Variants in ANAPC5 observed in about 807,000 individuals in gnomAD.
ANAPC5 encodes the protein anaphase promoting complex subunit 5.
In ANAPC5, 60 loss-of-function variants were observed where a neutral mutation model predicts 91.3. That is an observed-to-expected ratio of 0.66 (90% CI 0.53 to 0.81). The LOEUF (loss-of-function observed/expected upper bound fraction) is 0.81, where lower values mean the gene tolerates loss of function less well. Among genes scored for constraint, ANAPC5 ranks in the 40% least tolerant of loss-of-function variants. The pLI is 0.00. For synonymous variants in ANAPC5, 340 were observed against 364.1 expected (o/e 0.93, Z 0.75); for missense variants, 690 against 931.5 (o/e 0.74, Z 3.37).
chr12:121,328,612 T>C, intron 9 of ANAPC5, 115 bp from the exon 10 acceptor site: 2 of 970,144 alleles, frequency 2.1e-6, no homozygotes, highest in African/African-American at 1.6e-5. Context: ...GACAGCACTA[T>C]TTAAAAGGAA....
At chr12:121,324,923 G>A (rs1463042360) in intron 11 of ANAPC5, among the ~76,000 whole-genome samples, 1 of 152,148 alleles carries the variant, frequency 6.6e-6, no homozygotes, top group Non-Finnish European at 1.5e-5. Flanking sequence ...TCCCAACACT[G>A]TGACACTGAA....
chr12:121,350,310 G>A (rs2668261), intron 1 of ANAPC5, among the ~76,000 whole-genome samples: 127,604 of 152,234 alleles, frequency 0.84, 55,215 homozygotes, highest in Non-Finnish European at 0.95. Context: ...GAGGCCCAGG[G>A]ACCCAGATCT....
intron 15 of ANAPC5, among the ~76,000 whole-genome samples, chr12:121,311,210 C>T (rs945552420): frequency 3.4e-5 from 5 of 149,200 alleles, no homozygotes; most frequent in Non-Finnish European, 6.0e-5. Context: ...CAGTGAGCTA[C>T]GATTGCAGCA....
intron 5 of ANAPC5, among the ~76,000 whole-genome samples, chr12:121,338,818 T>C (rs1232975376): frequency 2.0e-5 from 3 of 152,056 alleles, no homozygotes; most frequent in Non-Finnish European, 2.9e-5. Context: ...AATATGTGTA[T>C]ACATATTATA....
chr12:121,323,682 C>T (rs918785017), intron 11 of ANAPC5, among the ~76,000 whole-genome samples: 1 of 152,136 alleles, frequency 6.6e-6, no homozygotes, highest in Non-Finnish European at 1.5e-5. Flanking sequence ...TTGTCTCAAT[C>T]CTTTCATGAG....
chr12:121,331,214 A>C, intron 8 of ANAPC5, 133 bp downstream of exon 8: 1 of 652,832 alleles, frequency 1.5e-6, no homozygotes. Context: ...CTGAATTCCC[A>C]TGACCACCTA....
In ANAPC5 at chr12:121,315,127, G is replaced by A. The variant is rs575864138; in HGVS notation, c.1893+3150C>T. On this transcript the variant is annotated intron_variant, in intron 15 of 16. Coordinates refer to ENST00000261819, the MANE Select transcript of ANAPC5 (RefSeq NM_016237.5). ...TACAGGTAATAAGTTTGGCAAAGTTGCAGGATATAAGATCAATATAAACTA... is the reference window on the plus strand; with the variant it reads ...TACAGGTAATAAGTTTGGCAAAGTTACAGGATATAAGATCAATATAAACTA... Among the ~76,000 whole-genome samples, 22 of 151,826 alleles carry A rather than the reference G, an allele frequency of 1.4e-4. No homozygotes were observed. The South Asian group carries it at 4.4e-3, about 30-fold the overall frequency.
intron 11 of ANAPC5, 53 bp downstream of exon 11, chr12:121,327,043 A>C: frequency 6.5e-7 from 1 of 1,535,602 alleles, no homozygotes; most frequent in Non-Finnish European, 8.7e-7. Context: ...AGAGGAAAGA[A>C]ATGGTAGAGC....
chr12:121,323,935 T>C (rs1902715291), intron 11 of ANAPC5, among the ~76,000 whole-genome samples: 1 of 152,014 alleles, frequency 6.6e-6, no homozygotes, highest in Admixed American at 6.6e-5. Flanking sequence ...AGAGGAGTGA[T>C]ATAAGATGAG....
intron 11 of ANAPC5, among the ~76,000 whole-genome samples, chr12:121,323,332 CT>C (rs994182555): frequency 4.0e-5 from 6 of 148,344 alleles, no homozygotes; most frequent in Admixed American, 1.3e-4. Context: ...GGATGTTTAT[CT>C]TTTTTTTTTG....
intron 7 of ANAPC5, chr12:121,333,240 A>G (rs1903109811): frequency 6.6e-6 from 1 of 152,112 alleles, no homozygotes; most frequent in African/African-American, 2.4e-5. Flanking sequence ...TTTTTACCTG[A>G]ACCCAGGTGG....
At chr12:121,326,195 G>A (rs559868718) in intron 11 of ANAPC5, among the ~76,000 whole-genome samples, 61 of 152,238 alleles carry the variant, frequency 4.0e-4, no homozygotes, top group African/African-American at 1.4e-3. Flanking sequence ...TTTGCTATAG[G>A]GAAGTATGTC....
At position 121,318,312 on chromosome 12, in the gene ANAPC5, C is replaced by T; in HGVS notation, c.1858G>A (p.Ala620Thr). Residue 620 changes from alanine to threonine, a missense_variant, in exon 15 of 17, where the codon GCC becomes ACC. This residue lies in a region of ANAPC5 where 317 missense variants were observed against 438.7 expected (regional missense o/e 0.72). Coordinates refer to ENST00000261819, the MANE Select transcript of ANAPC5 (RefSeq NM_016237.5). ...LSKEYRLQYL[A>T]SETVLNLAFA... Reference sequence around the variant, plus strand: ...GCCAAGTTCAGCACTGTTTCAGAGGCCAAGTACTGTAACCGGTACTCCTTG... The same window carrying T: ...GCCAAGTTCAGCACTGTTTCAGAGGTCAAGTACTGTAACCGGTACTCCTTG... 6.3e-7 allele frequency: 1 copy of T among 1,581,706 alleles called. No homozygotes were observed. Among genetic ancestry groups the T allele is most frequent in the Non-Finnish European group, 8.6e-7 (1 of 1,167,232 alleles).
intron 8 of ANAPC5, 184 bp downstream of exon 8, chr12:121,331,163 G>C: frequency 1.9e-6 from 1 of 529,194 alleles, no homozygotes; most frequent in Non-Finnish European, 3.4e-6. Context: ...CAAAACAGAT[G>C]TCATGAATTA....
intron 11 of ANAPC5, 136 bp from the exon 12 acceptor site, chr12:121,320,595 A>G: frequency 8.1e-6 from 5 of 617,018 alleles, no homozygotes; most frequent in Non-Finnish European, 1.4e-5. Flanking sequence ...CAGAGACTCA[A>G]ATTTCTTTTC....
chr12:121,321,632 A>G (rs1298476537), intron 11 of ANAPC5, among the ~76,000 whole-genome samples: 1 of 147,690 alleles, frequency 6.8e-6, no homozygotes, highest in Non-Finnish European at 1.5e-5. Flanking sequence ...CCTGGGTTCT[A>G]GCAATTCTGA....
At chr12:121,337,104 G>A (rs1444380895) in intron 6 of ANAPC5, among the ~76,000 whole-genome samples, 187 bp downstream of exon 6, 1 of 152,178 alleles carries the variant, frequency 6.6e-6, no homozygotes, top group Non-Finnish European at 1.5e-5. Flanking sequence ...TGTAATCCCA[G>A]CTACCTGGGA....
At chr12:121,351,105 C>G in intron 1 of ANAPC5, 1 of 451,262 alleles carries the variant, frequency 2.2e-6, no homozygotes, top group Non-Finnish European at 4.5e-6. Flanking sequence ...GGCGCAGTGG[C>G]TCACTCCTGT....
chr12:121,342,204 A>C lies in ANAPC5; in HGVS notation c.591-135T>G. ...TCTCTCCTCAGAACTAGGAAAGAAA[A>C]ACATAAAAAGTGATGTTGAGATCAA... On this transcript the variant is annotated intron_variant, in intron 4 of 16. Transcript: ENST00000261819. The surrounding 1 kb of genome is among the most constrained non-coding windows in gnomAD (Gnocchi z 4.1). The C allele has an allele frequency of 1.6e-6, 1 of 644,880 alleles. No homozygotes were observed. Among genetic ancestry groups the C allele is most frequent in the South Asian group, 2.0e-5 (1 of 50,000 alleles). The allele number at this position is 644,880 out of a possible 1,614,324, so 39.9% of individuals were successfully genotyped here. A position where few individuals can be genotyped will look rare whatever the true frequency, so the allele number is the denominator to read the frequency against.
Sources: allele counts gnomAD v4.1 joint callset (sites outside exome capture counted in the v4.1 genomes callset), GRCh38; gene constraint gnomAD v4.1.1; regional missense constraint gnomAD v4.1.1; non-coding constraint Gnocchi (gnomAD v3.1); transcripts MANE v1.5; gene names NCBI Gene and HGNC (gene_info 2026-07-23, HGNC 2026-07-21).